The following ZBTB40 variants were observed in gnomAD, a reference collection of about 807,000 sequenced individuals.
ZBTB40 encodes zinc finger and BTB domain containing 40, also known as zinc finger and BTB domain-containing protein 40.
ZBTB40 carries 60 observed loss-of-function variants against 117.5 expected under a neutral mutation model. That is an observed-to-expected ratio of 0.51 (90% confidence interval 0.41 to 0.63). The LOEUF is 0.63. Ranked by LOEUF, ZBTB40 falls within the 30% of genes least tolerant of loss-of-function variation. ZBTB40 has a pLI of 0.00. For missense variants in ZBTB40, 1,287 were observed against 1,498.5 expected (o/e 0.86, Z 2.33); for synonymous variants, 525 against 577.1 (o/e 0.91, Z 1.29).
At chr1:22,463,271 G>C (rs748378663) in intron 1 of ZBTB40, among the ~76,000 whole-genome samples, 1 of 152,126 alleles carries the variant, frequency 6.6e-6, no homozygotes, top group Non-Finnish European at 1.5e-5. Flanking sequence ...CACAGTGCCT[G>C]GTGTGTTACT....
intron 1 of ZBTB40, among the ~76,000 whole-genome samples, chr1:22,429,625 CAGT>C (rs1387639724): frequency 6.6e-6 from 1 of 152,166 alleles, no homozygotes; most frequent in Non-Finnish European, 1.5e-5. Context: ...CCACATTAAA[CAGT>C]AGTGGTATTG....
chr1:22,514,798 T>G (rs1639333689), intron 12 of ZBTB40, among the ~76,000 whole-genome samples: 1 of 152,240 alleles, frequency 6.6e-6, no homozygotes, highest in Non-Finnish European at 1.5e-5. Flanking sequence ...GCTGTTAGTC[T>G]TTCTTTTCCC....
chr1:22,523,406 A>G (rs1044921541), intron 16 of ZBTB40, among the ~76,000 whole-genome samples: 2 of 152,212 alleles, frequency 1.3e-5, no homozygotes, highest in African/African-American at 4.8e-5. Context: ...GTGTGCATAC[A>G]TACAAAGGAA....
chr1:22,490,570 A>G lies in ZBTB40; in HGVS notation c.622A>G (p.Thr208Ala), dbSNP rs753759151. The change falls in exon 2 of 18, where the codon ACT becomes GCT. Residue 208 changes from threonine (T) to alanine (A), a missense_variant. Transcript: ENST00000375647. ...RNAETPAETP[T>A]TAEACSPSPA... ...TGCAGAAACCCCAGCGGAGACTCCT[A>G]CTACAGCTGAAGCTTGTTCCCCCTC... The G allele has an allele frequency of 1.2e-6, 2 of 1,614,124 alleles. No homozygotes were observed. The highest frequency in any genetic ancestry group is 1.7e-6 in the Non-Finnish European group (2 of 1,180,014).
rs1485758651 is a variant in ZBTB40 at position 22,499,092 on chromosome 1, G to GC, written c.832-2399dup. 2.0e-5 allele frequency among the ~76,000 whole-genome samples: 3 copies of GC among 152,308 alleles called. No individual in the cohort carries two copies. In the East Asian group the frequency reaches 5.8e-4, roughly 29 times the overall value. ...GGCTGCAGTCAAGGTGTCAGCCAGG[G>GC]CTACATCTCAAGGCTCAACTGGGGG... On this transcript the variant is annotated intron_variant, in intron 3 of 17. Coordinates refer to ENST00000375647, the MANE Select transcript of ZBTB40 (RefSeq NM_014870.4).
intron 1 of ZBTB40, among the ~76,000 whole-genome samples, chr1:22,437,929 G>A (rs955032017): frequency 9.3e-5 from 14 of 151,228 alleles, no homozygotes; most frequent in African/African-American, 2.9e-4. Context: ...TCGGGAGTTC[G>A]AGACCAGCCT....
intron 1 of ZBTB40, among the ~76,000 whole-genome samples, chr1:22,433,443 A>AC (rs1557469780): frequency 1.0e-4 from 14 of 139,676 alleles, no homozygotes; most frequent in South Asian, 2.3e-4. Flanking sequence ...AAAAAAAAAA[A>AC]AAAAAAAAAA....
intron 12 of ZBTB40, 69 bp from the exon 13 acceptor site, chr1:22,517,231 T>G: frequency 6.3e-7 from 1 of 1,595,360 alleles, no homozygotes; most frequent in Non-Finnish European, 8.6e-7. Flanking sequence ...TGCTGTAGAA[T>G]TAGATTTTGT....
chr1:22,507,966 C>T (rs1413919165), intron 6 of ZBTB40, 35 bp from the exon 7 acceptor site: 2 of 1,613,990 alleles, frequency 1.2e-6, no homozygotes, highest in East Asian at 4.5e-5. Flanking sequence ...GGTTTTGTTG[C>T]ATCAAACATT....
upstream of ZBTB40, among the ~76,000 whole-genome samples, chr1:22,449,946 C>CTT (rs35273875): frequency 2.1e-5 from 3 of 143,906 alleles, no homozygotes; most frequent in African/African-American, 2.6e-5. Flanking sequence ...AAATATTTCT[C>CTT]TTTTTTTTTT....
intron 1 of ZBTB40, among the ~76,000 whole-genome samples, chr1:22,429,714 C>T (rs1371016898): frequency 1.3e-5 from 2 of 152,230 alleles, no homozygotes; most frequent in African/African-American, 2.4e-5. Context: ...GTCTGCTGGC[C>T]AGACGCGATG....
chr1:22,465,519 C>A (rs921914310), intron 1 of ZBTB40, among the ~76,000 whole-genome samples: 3 of 152,184 alleles, frequency 2.0e-5, no homozygotes, highest in Admixed American at 2.0e-4. Flanking sequence ...CCTTCAGGCC[C>A]CTGCCTGGCC....
At chr1:22,451,367 G>T (rs760986136), upstream of ZBTB40, among the ~76,000 whole-genome samples, 2 of 152,178 alleles carry the variant, frequency 1.3e-5, no homozygotes, top group Non-Finnish European at 2.9e-5. Context: ...AGCTCCATTA[G>T]AACTTTCCTT....
In ZBTB40 at chr1:22,500,831, A is replaced by G. The variant is rs145302968; in HGVS notation, c.832-661A>G. 3.9e-3 allele frequency among the ~76,000 whole-genome samples: 597 copies of G among 152,348 alleles called. 6 individuals are homozygous for G. Among genetic ancestry groups the G allele is most frequent in the African/African-American group, 0.014 (573 of 41,590 alleles). On this transcript the variant is annotated intron_variant, in intron 3 of 17. Transcript: ENST00000375647. Reference sequence around the variant, plus strand: ...ACACTGTTAGCCTTAATTGTTACAGACTATATCTAAAATTAATAAGGCCCG... The same window carrying G: ...ACACTGTTAGCCTTAATTGTTACAGGCTATATCTAAAATTAATAAGGCCCG...
At chr1:22,503,606 C>T (rs147473523) in intron 5 of ZBTB40, among the ~76,000 whole-genome samples, 75 of 133,038 alleles carry the variant, frequency 5.6e-4, no homozygotes, top group African/African-American at 1.6e-3. Flanking sequence ...TGCACATGTG[C>T]GCACGCACAC....
rs1639306519 is a variant in ZBTB40, at chr1:22,513,840, CTT to C, written c.2668+712_2668+713del. 6.6e-6 allele frequency among the ~76,000 whole-genome samples: 1 copy of C among 152,192 alleles called. No individual in the cohort carries two copies. The highest frequency in any genetic ancestry group is 6.5e-5 in the Admixed American group (1 of 15,282). On this transcript the variant is annotated intron_variant, in intron 12 of 17. Coordinates refer to ENST00000375647, the MANE Select transcript of ZBTB40 (RefSeq NM_014870.4). This position sits in a 1 kb window ranked among gnomAD's most constrained non-coding sequence, Gnocchi z 4.9. ...AAAGAGACTGGCTAACCTCCTATGA[CTT>C]TATATTAGGTCTTGTGGAAAAGTCA...
Position 22,528,748 on chromosome 1 carries a change from C to T in ZBTB40, c.*2352C>T, listed in dbSNP as rs1376405152. ...ACAGGGTCTCGCCATGTTGCCCAGGCTGGTTTAAAACTCCTGAGCTCAAGC... is the reference window on the plus strand; with the variant it reads ...ACAGGGTCTCGCCATGTTGCCCAGGTTGGTTTAAAACTCCTGAGCTCAAGC... On this transcript the variant is annotated 3_prime_UTR_variant, in exon 18 of 18. Transcript: ENST00000375647. The T allele has an allele frequency of 2.7e-5, 4 of 149,930 alleles. No homozygotes were observed. Among genetic ancestry groups the T allele is most frequent in the African/African-American group, 9.9e-5 (4 of 40,530 alleles). 9.3% of individuals were successfully genotyped at this position (149,930 alleles called of 1,614,324 possible).
chr1:22,519,928 A>G (rs1569885748), intron 13 of ZBTB40, 133 bp from the exon 14 acceptor site: 1 of 844,116 alleles, frequency 1.2e-6, no homozygotes, highest in South Asian at 1.3e-5. Context: ...GGAGTCTATG[A>G]CCCTGCCTGT....
chr1:22,511,556 CAG>C, intron 10 of ZBTB40, 118 bp from the exon 11 acceptor site: 2 of 1,270,930 alleles, frequency 1.6e-6, no homozygotes, highest in South Asian at 2.9e-5. Flanking sequence ...GATATTACTT[CAG>C]AGTGTTTTTG....
Sources: gnomAD v4.1 joint callset for allele counts (sites outside exome capture counted in the v4.1 genomes callset) on GRCh38, gnomAD v4.1.1 for gene constraint, Gnocchi (gnomAD v3.1) non-coding constraint, MANE v1.5 for transcripts, NCBI Gene and HGNC (gene_info 2026-07-23, HGNC 2026-07-21) for gene names.